The following HHAT variants were observed in gnomAD, a reference collection of about 807,000 sequenced individuals.
HHAT encodes the protein hedgehog acyltransferase.
In HHAT, 47 loss-of-function variants were observed where a neutral mutation model predicts 70.8. That is an observed-to-expected ratio of 0.66 (90% CI 0.53 to 0.85). The LOEUF (loss-of-function observed/expected upper bound fraction) is 0.85, where lower values mean the gene tolerates loss of function less well. Among genes scored for constraint, HHAT ranks in the 40% least tolerant of loss-of-function variants. The pLI is 0.00. For missense variants in HHAT, 609 were observed against 604.8 expected, an observed-to-expected ratio of 1.01 and a Z score of -0.07; for synonymous variants, 228 against 247.6, an observed-to-expected ratio of 0.92 and a Z score of 0.74.
chr1:210,609,670 G>T (rs902542660), intron 10 of HHAT, among the ~76,000 whole-genome samples: 17 of 152,016 alleles, frequency 1.1e-4, no homozygotes, highest in Non-Finnish European at 1.8e-4. Flanking sequence ...CCTCTCCCTA[G>T]CCCCTCAACA....
chr1:210,436,978 A>C (rs910383592), intron 7 of HHAT, among the ~76,000 whole-genome samples: 1 of 151,938 alleles, frequency 6.6e-6, no homozygotes, highest in Non-Finnish European at 1.5e-5. Flanking sequence ...AACCAAGCAC[A>C]TCACAGAGTT....
At chr1:210,591,206 A>G (rs745826879) in intron 10 of HHAT, among the ~76,000 whole-genome samples, 3 of 152,046 alleles carry the variant, frequency 2.0e-5, no homozygotes, top group Non-Finnish European at 4.4e-5. Context: ...ATTCCCCCCA[A>G]CTACCCTTCC....
intron 8 of HHAT, among the ~76,000 whole-genome samples, chr1:210,483,282 TGCAAGACAA>T (rs1240666472): frequency 6.6e-6 from 1 of 152,204 alleles, no homozygotes; most frequent in Non-Finnish European, 1.5e-5. Context: ...AGTAGTGATT[TGCAAGACAA>T]GCTAGAGAGC....
chr1:210,542,496 AAT>A (rs749840373), intron 9 of HHAT, among the ~76,000 whole-genome samples: 13 of 149,420 alleles, frequency 8.7e-5, no homozygotes, highest in Non-Finnish European at 1.2e-4. Flanking sequence ...TTAAAAAAAA[AAT>A]ATATATATAT....
At chr1:210,332,881 T>C (rs1012811772) in intron 1 of HHAT, among the ~76,000 whole-genome samples, 4 of 152,224 alleles carry the variant, frequency 2.6e-5, no homozygotes, top group African/African-American at 9.6e-5. Context: ...GTCTTCTGTC[T>C]CATCATTGGG....
At position 210,375,863 on chromosome 1, in the gene HHAT, T is replaced by TA. The variant is rs71678097; in HGVS notation, c.160-11590dup. ...TTGACCTATCCTTAGGTTCAATAAT[T>TA]AAAAAAAAAAAAAAATCTCACTCTG... On this transcript the variant is annotated intron_variant, in intron 3 of 11. Coordinates refer to ENST00000261458, the MANE Select transcript of HHAT (RefSeq NM_018194.6). Among the ~76,000 whole-genome samples the TA allele has an allele frequency of 3.0e-3, 431 of 143,626 alleles. 1 individual carries two copies. The highest frequency in any genetic ancestry group is 7.6e-3 in the African/African-American group (299 of 39,144). 94.2% of individuals were successfully genotyped at this position (143,626 alleles called of 152,430 possible).
At chr1:210,665,577 T>G (rs1447672667) in intron 11 of HHAT, among the ~76,000 whole-genome samples, 1 of 152,220 alleles carries the variant, frequency 6.6e-6, no homozygotes, top group African/African-American at 2.4e-5. Context: ...AGTGGGGTGC[T>G]GGAGCCTCTA....
intron 11 of HHAT, among the ~76,000 whole-genome samples, chr1:210,644,463 C>A (rs11119555): frequency 0.27 from 40,274 of 151,546 alleles, 5,830 homozygotes; most frequent in South Asian, 0.38. Flanking sequence ...ATTAGCTAGG[C>A]GTGGTGGTGG....
At chr1:210,418,611 C>T (rs1490103161) in intron 7 of HHAT, among the ~76,000 whole-genome samples, 2 of 152,096 alleles carry the variant, frequency 1.3e-5, no homozygotes, top group Non-Finnish European at 2.9e-5. Flanking sequence ...ATCTTCACAG[C>T]GTAGCCAATA....
intron 11 of HHAT, among the ~76,000 whole-genome samples, chr1:210,646,850 G>A (rs1674156966): frequency 6.6e-6 from 1 of 152,004 alleles, no homozygotes; most frequent in Admixed American, 6.5e-5. Context: ...GAAATTAATG[G>A]CTAGTTGGCA....
Position 210,400,556 on chromosome 1 carries a change from C to CCA in HHAT, c.364_365dup (p.Ile123ProfsTer14). ...GGTGTGGCTATGGTTTTGCTCCATA[C>CCA]CACCATCTCTTTCTGCGTGGCCCAG... On this transcript the variant is annotated frameshift_variant, in exon 5 of 12. Transcript: ENST00000261458. LOFTEE classifies it high-confidence loss of function. 1 of 1,614,072 alleles carries CCA rather than the reference C, an allele frequency of 6.2e-7. No individual in the cohort carries two copies. Among genetic ancestry groups the CCA allele is most frequent in the Non-Finnish European group, 8.5e-7 (1 of 1,180,006 alleles).
At chr1:210,625,461 C>T (rs538573815) in intron 11 of HHAT, among the ~76,000 whole-genome samples, 33 of 152,252 alleles carry the variant, frequency 2.2e-4, no homozygotes, top group African/African-American at 7.2e-4. Context: ...GAAGCTCACA[C>T]GAATGTGAGT....
Position 210,415,000 on chromosome 1 carries a change from C to T in HHAT, c.685-3154C>T, listed in dbSNP as rs376281737. ...TGCCACTGCACTCCAGCCTGGGTGACAGAGTGAAACTCTGTCTTAAAAAAA... is the reference window on the plus strand; with the variant it reads ...TGCCACTGCACTCCAGCCTGGGTGATAGAGTGAAACTCTGTCTTAAAAAAA... On this transcript the variant is annotated intron_variant, in intron 6 of 11. Transcript: ENST00000261458. Among the ~76,000 whole-genome samples the T allele has an allele frequency of 2.0e-5, 3 of 152,194 alleles. No homozygotes were observed. The East Asian group carries it at 5.8e-4, about 29-fold the overall frequency.
At chr1:210,332,150 T>C (rs1011622707) in intron 1 of HHAT, among the ~76,000 whole-genome samples, 4 of 152,220 alleles carry the variant, frequency 2.6e-5, no homozygotes, top group Admixed American at 2.6e-4. Context: ...TCACAGTGCA[T>C]AGACTCACAT....
chr1:210,516,090 G>A lies in HHAT; in HGVS notation c.1043+2902G>A, dbSNP rs200303951. Among the ~76,000 whole-genome samples, 10 of 140,118 alleles carry A rather than the reference G, an allele frequency of 7.1e-5. No individual in the cohort carries two copies. In the East Asian group the frequency reaches 1.9e-3, roughly 27 times the overall value. The allele number at this position is 140,118 out of a possible 152,430, so 91.9% of individuals were successfully genotyped here. A position where few individuals can be genotyped will look rare whatever the true frequency, so the allele number is the denominator to read the frequency against. ...GTCTCAAAAGAAAAAGAAAAAAAAA[G>A]GTATTTTCTGCCCCCAGCTTGGGAG... On this transcript the variant is annotated intron_variant, in intron 9 of 11. Transcript: ENST00000261458.
intron 9 of HHAT, among the ~76,000 whole-genome samples, chr1:210,549,315 T>C (rs992497754): frequency 6.7e-6 from 1 of 149,212 alleles, no homozygotes; most frequent in Non-Finnish European, 1.5e-5. Context: ...TATTGAGCCA[T>C]TGGCAATAAA....
At chr1:210,450,295 G>GGC (rs1553374403) in intron 7 of HHAT, among the ~76,000 whole-genome samples, 1 of 24,870 alleles carries the variant, frequency 4.0e-5, no homozygotes, top group Admixed American at 5.1e-4. Flanking sequence ...CGTCTCAGGT[G>GGC]GGGGGGGTGG....
In HHAT at chr1:210,406,250, G is replaced by A. The variant is rs2092325277; in HGVS notation, c.684+1571G>A. Among the ~76,000 whole-genome samples the A allele has an allele frequency of 3.3e-5, 5 of 152,154 alleles. No homozygotes were observed. In the South Asian group the frequency reaches 1.0e-3, roughly 32 times the overall value. On this transcript the variant is annotated intron_variant, in intron 6 of 11. Transcript: ENST00000261458. ...AGACACCCCTCTCCTGAGGATGGCTGGTAATTTTCAGAGAAACATAAACTA... is the reference window on the plus strand; with the variant it reads ...AGACACCCCTCTCCTGAGGATGGCTAGTAATTTTCAGAGAAACATAAACTA...
chr1:210,328,923 C>T lies in HHAT; in HGVS notation c.-225C>T, dbSNP rs1194967320. On this transcript the variant is annotated 5_prime_UTR_variant, in exon 1 of 12. Transcript: ENST00000261458. ...GCGCGGGCACGGCGGCAGGGGCGTG[C>T]TCGGAGGACGCGCGCTGCGCTGCTC... 5 of 1,000,330 alleles carry T rather than the reference C, an allele frequency of 5.0e-6. No individual in the cohort carries two copies. The African/African-American group carries it at 6.7e-5, about 13-fold the overall frequency. 62.0% of individuals were successfully genotyped at this position (1,000,330 alleles called of 1,614,324 possible).
Sources: gnomAD v4.1 joint callset for allele counts (sites outside exome capture counted in the v4.1 genomes callset) on GRCh38, gnomAD v4.1.1 for gene constraint, MANE v1.5 for transcripts, NCBI Gene and HGNC (gene_info 2026-07-23, HGNC 2026-07-21) for gene names.